FOXP2: variants seen among roughly 807,000 people sequenced by gnomAD.
FOXP2 encodes forkhead box P2.
In FOXP2, 12 loss-of-function variants were observed where a neutral mutation model predicts 115.8. That is an observed-to-expected ratio of 0.10 (90% confidence interval 0.07 to 0.17). The LOEUF is 0.17. Among genes scored for constraint, FOXP2 ranks in the 10% least tolerant of loss-of-function variants. The pLI is 1.00. For missense variants in FOXP2, 629 were observed against 843.5 expected, an observed-to-expected ratio of 0.75 and a Z score of 3.15; for synonymous variants, 328 against 297.7, an observed-to-expected ratio of 1.10 and a Z score of -1.05.
intron 2 of FOXP2, among the ~76,000 whole-genome samples, chr7:114,403,258 G>A (rs1792936904): frequency 6.6e-6 from 1 of 152,148 alleles, no homozygotes; most frequent in Non-Finnish European, 1.5e-5. Context: ...TGCCAGATGA[G>A]TTCAAGTTAG....
intron 3 of FOXP2, among the ~76,000 whole-genome samples, chr7:114,600,950 G>T (rs1330194340): frequency 4.0e-5 from 6 of 148,660 alleles, no homozygotes; most frequent in Admixed American, 6.7e-5. Flanking sequence ...GGCTTGTCTT[G>T]TCAGTATCTT....
chr7:114,122,738 A>T (rs1584491442), intron 1 of FOXP2, among the ~76,000 whole-genome samples: 2 of 152,094 alleles, frequency 1.3e-5, no homozygotes, highest in Admixed American at 6.6e-5. Flanking sequence ...AAGCTGATGG[A>T]TCAACATGAA....
At chr7:114,121,046 G>A (rs1227623038) in intron 1 of FOXP2, among the ~76,000 whole-genome samples, 1 of 152,064 alleles carries the variant, frequency 6.6e-6, no homozygotes, top group Non-Finnish European at 1.5e-5. Context: ...GTATGATGAA[G>A]TGGAAAAATA....
intron 3 of FOXP2, among the ~76,000 whole-genome samples, chr7:114,554,704 A>G (rs1218702886): frequency 1.3e-5 from 2 of 152,176 alleles, no homozygotes; most frequent in East Asian, 3.8e-4. Flanking sequence ...TTTCATCTTT[A>G]TAGATCTAAA....
At chr7:114,603,909 G>GA (rs1316573531) in intron 3 of FOXP2, among the ~76,000 whole-genome samples, 2 of 152,074 alleles carry the variant, frequency 1.3e-5, no homozygotes, top group Non-Finnish European at 2.9e-5. Flanking sequence ...TTCTTAATTA[G>GA]AAAAAATAAT....
At chr7:114,105,700 G>C (rs1029803156) in intron 1 of FOXP2, among the ~76,000 whole-genome samples, 5 of 152,032 alleles carry the variant, frequency 3.3e-5, no homozygotes, top group African/African-American at 1.2e-4. Context: ...CTGAGGTAAA[G>C]CTTTGGGTTT....
At chr7:114,274,776 C>T (rs1170005480) in intron 1 of FOXP2, among the ~76,000 whole-genome samples, 1 of 151,270 alleles carries the variant, frequency 6.6e-6, no homozygotes, top group South Asian at 2.1e-4. Flanking sequence ...CCACCATGCC[C>T]GACTAGTTTT....
At chr7:114,221,467 C>T (rs1413255087) in intron 1 of FOXP2, among the ~76,000 whole-genome samples, 1 of 151,934 alleles carries the variant, frequency 6.6e-6, no homozygotes, top group Non-Finnish European at 1.5e-5. Context: ...TCCAAAAGAG[C>T]CAAGGGAAAG....
chr7:114,320,987 A>C (rs1428073050), intron 2 of FOXP2, among the ~76,000 whole-genome samples: 1 of 152,086 alleles, frequency 6.6e-6, no homozygotes, highest in Admixed American at 6.6e-5. Context: ...ATTCTACGGG[A>C]AATAATTTGC....
At chr7:114,251,910 T>G (rs1298208179) in intron 1 of FOXP2, among the ~76,000 whole-genome samples, 1 of 152,246 alleles carries the variant, frequency 6.6e-6, no homozygotes, top group African/African-American at 2.4e-5. Context: ...CCATTCAGTA[T>G]GATATTGGCT....
At position 114,642,801 on chromosome 7, in the gene FOXP2, TATATATA is replaced by T. The variant is rs369013047; in HGVS notation, c.989+179_989+185del. On this transcript the variant is annotated intron_variant, in intron 7 of 16. Transcript: ENST00000350908. ...TATAATATATATATATATATATATA[TATATATA>T]TATATTTTTTTTTTTTTTTAGGCAG... 0.21 allele frequency among the ~76,000 whole-genome samples: 14,222 copies of T among 66,904 alleles called. 2,864 individuals are homozygous for T. The highest frequency in any genetic ancestry group is 0.29 in the Non-Finnish European group (10,878 of 37,854). The allele number at this position is 66,904 out of a possible 152,430, so 43.9% of individuals were successfully genotyped here.
intron 2 of FOXP2, among the ~76,000 whole-genome samples, chr7:114,332,178 A>G (rs570271219): frequency 9.2e-5 from 14 of 152,130 alleles, no homozygotes; most frequent in Non-Finnish European, 1.5e-4. Flanking sequence ...ACTATTGCCA[A>G]TGATGGCAGT....
At chr7:114,296,701 C>T (rs1297054480) in intron 2 of FOXP2, among the ~76,000 whole-genome samples, 3 of 152,004 alleles carry the variant, frequency 2.0e-5, no homozygotes, top group African/African-American at 7.2e-5. Context: ...AAGATCTGAG[C>T]CCTTGCATGA....
intron 16 of FOXP2, among the ~76,000 whole-genome samples, chr7:114,670,872 A>G (rs1355274056): frequency 6.6e-6 from 1 of 152,066 alleles, no homozygotes; most frequent in African/African-American, 2.4e-5. Context: ...GAGCAAATGG[A>G]ATGCTCTTTC....
At chr7:114,595,396 A>G (rs997666447) in intron 3 of FOXP2, among the ~76,000 whole-genome samples, 2 of 152,102 alleles carry the variant, frequency 1.3e-5, no homozygotes, top group South Asian at 2.1e-4. Flanking sequence ...ATAAAATAGT[A>G]TCTGTCTCAG....
intron 16 of FOXP2, among the ~76,000 whole-genome samples, chr7:114,679,888 A>G (rs1361764121): frequency 6.6e-6 from 1 of 152,148 alleles, no homozygotes; most frequent in Non-Finnish European, 1.5e-5. Context: ...TTACTTGTAT[A>G]TATGTCTTAC....
chr7:114,359,951 A>T (rs1166125653), intron 2 of FOXP2, among the ~76,000 whole-genome samples: 1 of 152,036 alleles, frequency 6.6e-6, no homozygotes, highest in African/African-American at 2.4e-5. Flanking sequence ...TTGGTTTTGA[A>T]ATGTGAGGAC....
intron 1 of FOXP2, chr7:114,285,297 G>C (rs1796441344): frequency 6.6e-6 from 1 of 152,216 alleles, no homozygotes; most frequent in African/African-American, 2.4e-5. Flanking sequence ...GCAGCCCTGT[G>C]GCTTGTATTT....
chr7:114,299,172 A>G (rs1796819349), intron 2 of FOXP2, among the ~76,000 whole-genome samples: 1 of 152,154 alleles, frequency 6.6e-6, no homozygotes, highest in Non-Finnish European at 1.5e-5. Flanking sequence ...ACTATACAAT[A>G]TATCATTCAA....
Sources: allele counts gnomAD v4.1 joint callset (sites outside exome capture counted in the v4.1 genomes callset), GRCh38; gene constraint gnomAD v4.1.1; transcripts MANE v1.5; gene names NCBI Gene and HGNC (gene_info 2026-07-23, HGNC 2026-07-21).